RNF212: variants seen among roughly 807,000 people sequenced by gnomAD.
The protein encoded by RNF212 is ring finger protein 212, also known as probable E3 SUMO-protein ligase RNF212.
In RNF212, 33 loss-of-function variants were observed where a neutral mutation model predicts 34.7. The ratio of observed to expected loss-of-function variants is 0.95; its 90% CI spans 0.72 to 1.27. The LOEUF (loss-of-function observed/expected upper bound fraction) is 1.27. Ranked by LOEUF, RNF212 falls within the 50% of genes most tolerant of loss-of-function variation. RNF212 has a pLI of 0.00. For missense variants in RNF212, 377 were observed against 362.2 expected, an observed-to-expected ratio of 1.04 and a Z score of -0.33; for synonymous variants, 140 against 136.1, an observed-to-expected ratio of 1.03 and a Z score of -0.20.
intron 4 of RNF212, among the ~76,000 whole-genome samples, chr4:1,087,723 T>C (rs184166450): frequency 1.7e-4 from 26 of 150,740 alleles, no homozygotes; most frequent in Admixed American, 5.3e-4. Context: ...AGGGGAAGAA[T>C]CTGGGGGAGG....
intron 8 of RNF212, chr4:1,073,879 G>A: frequency 1.8e-6 from 1 of 559,890 alleles, no homozygotes; most frequent in Non-Finnish European, 3.2e-6. Flanking sequence ...CTGATTACCT[G>A]TTTGATTCCC....
At chr4:1,057,550 A>G (rs1717416224) in intron 4 of RNF212, among the ~76,000 whole-genome samples, 1 of 152,168 alleles carries the variant, frequency 6.6e-6, no homozygotes, top group Non-Finnish European at 1.5e-5. Context: ...GAACCCAGCC[A>G]CACCCATTAA....
intron 2 of RNF212, among the ~76,000 whole-genome samples, chr4:1,106,217 G>A (rs2153064620): frequency 6.6e-6 from 1 of 150,610 alleles, no homozygotes; most frequent in East Asian, 2.0e-4. Context: ...AAGAGAAGCA[G>A]GAACAACTTC....
At position 1,103,098 on chromosome 4, in the gene RNF212, A is replaced by G. The variant is rs181108431; in HGVS notation, c.171+5245T>C. On this transcript the variant is annotated intron_variant, in intron 2 of 9. Coordinates refer to ENST00000433731, the MANE Select transcript of RNF212 (RefSeq NM_001131034.4). ...ATTATGGAACTTACAGACATGAAAA[A>G]TATGAGTGGATAACAAGCATATTGA... Among the ~76,000 whole-genome samples the G allele has an allele frequency of 1.8e-4, 27 of 152,378 alleles. No homozygotes were observed. In the East Asian group the frequency reaches 5.2e-3, roughly 29 times the overall value.
chr4:1,078,916 C>T (rs935961279), intron 8 of RNF212, among the ~76,000 whole-genome samples: 3 of 150,796 alleles, frequency 2.0e-5, no homozygotes, highest in African/African-American at 7.4e-5. Flanking sequence ...CAACACAGGA[C>T]CAACACGGGA....
intron 8 of RNF212, among the ~76,000 whole-genome samples, chr4:1,076,656 T>C (rs1168060499): frequency 6.6e-6 from 1 of 152,140 alleles, no homozygotes; most frequent in Non-Finnish European, 1.5e-5. Flanking sequence ...GGACGGGAGC[T>C]CTTTCCAAAG....
intron 8 of RNF212, among the ~76,000 whole-genome samples, chr4:1,078,787 A>T (rs1211735170): frequency 6.6e-6 from 1 of 152,188 alleles, no homozygotes; most frequent in East Asian, 1.9e-4. Flanking sequence ...TACAGGGTCA[A>T]CACAGGACCG....
rs754959605 is a variant in RNF212, at chr4:1,092,768, G to A, written c.247-1930C>T. On this transcript the variant is annotated intron_variant, in intron 3 of 9. Coordinates refer to ENST00000433731, the MANE Select transcript of RNF212 (RefSeq NM_001131034.4). ...AGGAAGAGCTGCCCGGTGCTCACGC[G>A]TGCTTTGCCCGCATCCTGCGAACTG... Among the ~76,000 whole-genome samples the A allele has an allele frequency of 4.6e-5, 7 of 152,344 alleles. No homozygotes were observed. In the South Asian group the frequency reaches 6.2e-4, roughly 14 times the overall value.
chr4:1,093,306 A>C (rs1434921298), intron 3 of RNF212: 56 of 915,972 alleles, frequency 6.1e-5, no homozygotes, highest in Non-Finnish European at 8.2e-5. Flanking sequence ...ATTAAGACTG[A>C]GACAAATCTA....
chr4:1,105,004 C>T (rs1250562569), intron 2 of RNF212, among the ~76,000 whole-genome samples: 1 of 152,136 alleles, frequency 6.6e-6, no homozygotes, highest in Non-Finnish European at 1.5e-5. Context: ...GCTCTCTTGT[C>T]TGCTGTCTCC....
Position 1,073,112 on chromosome 4 carries a change from G to A in RNF212, c.656C>T (p.Ser219Phe), listed in dbSNP as rs1248004366. 6.2e-7 allele frequency: 1 copy of A among 1,614,048 alleles called. No homozygotes were observed. The highest frequency in any genetic ancestry group is 1.3e-5 in the African/African-American group (1 of 74,904). The change falls in exon 10 of 10, where the codon TCC becomes TTC. Residue 219 changes from serine to phenylalanine, a missense_variant. By Grantham distance (155) the Ser-to-Phe change is radical. Transcript: ENST00000433731. The part of the protein sequence containing the change: ...KPPVPGECVI[S>F]RGSPCFCIDV... ...TATGCAGAAACATGGTGAACCTCTG[G>A]AAATGACACACTCTCCGGGCACAGG...
At chr4:1,106,835 T>C (rs1344909861) in intron 2 of RNF212, among the ~76,000 whole-genome samples, 1 of 152,258 alleles carries the variant, frequency 6.6e-6, no homozygotes, top group Non-Finnish European at 1.5e-5. Flanking sequence ...CAAACATTTA[T>C]ATCTTTTGCC....
At chr4:1,066,396 T>C (rs530262836) in intron 3 of RNF212, among the ~76,000 whole-genome samples, 1 of 152,338 alleles carries the variant, frequency 6.6e-6, no homozygotes, top group East Asian at 1.9e-4. Context: ...TGGCACAATC[T>C]CGACTTACTG....
intron 3 of RNF212, among the ~76,000 whole-genome samples, chr4:1,065,143 T>A (rs1368454457): frequency 2.0e-5 from 3 of 152,250 alleles, no homozygotes; most frequent in African/African-American, 4.8e-5. Flanking sequence ...TCAATCCTTT[T>A]GAGTACTGAA....
intron 4 of RNF212, among the ~76,000 whole-genome samples, chr4:1,088,009 G>A (rs2153049106): frequency 6.6e-6 from 1 of 152,200 alleles, no homozygotes; most frequent in East Asian, 1.9e-4. Flanking sequence ...GATTAATAAA[G>A]AAAATTGGTA....
chr4:1,092,044 T>G (rs1195567838), intron 3 of RNF212, among the ~76,000 whole-genome samples: 1 of 152,210 alleles, frequency 6.6e-6, no homozygotes, highest in African/African-American at 2.4e-5. Flanking sequence ...CGGGAACACC[T>G]GCACACGCCC....
chr4:1,091,248 G>A (rs1324559670), intron 3 of RNF212, among the ~76,000 whole-genome samples: 2 of 152,240 alleles, frequency 1.3e-5, no homozygotes, highest in Non-Finnish European at 2.9e-5. Context: ...AGAGCTGGCA[G>A]AGGCCTGGTG....
chr4:1,064,529 A>T (rs1717960983), intron 3 of RNF212, among the ~76,000 whole-genome samples: 1 of 152,176 alleles, frequency 6.6e-6, no homozygotes, highest in South Asian at 2.1e-4. Flanking sequence ...ATGCTGGCTG[A>T]TGGGGGTCCT....
rs758566453 is a variant in RNF212 at position 1,081,607 on chromosome 4, T to C, written c.375A>G (p.Ser125=). The C allele has an allele frequency of 6.2e-7, 1 of 1,608,746 alleles. No individual in the cohort carries two copies. Among genetic ancestry groups the C allele is most frequent in the Non-Finnish European group, 8.5e-7 (1 of 1,175,196 alleles). The change falls in exon 6 of 10, where the codon TCA becomes TCG. Residue 125 remains serine (S), a synonymous_variant. Transcript: ENST00000433731. The part of the protein sequence containing the change: ...QIEQLQSMRS[S]QQTAFSTIKS... ...TTATTGTGCTGAAAGCTGTTTGTTG[T>C]GATGATCTCATACTAAATAGATGGA...
Sources: allele counts gnomAD v4.1 joint callset (sites outside exome capture counted in the v4.1 genomes callset), GRCh38; gene constraint gnomAD v4.1.1; transcripts MANE v1.5; gene names NCBI Gene and HGNC (gene_info 2026-07-23, HGNC 2026-07-21).